EGLN1: variants seen among roughly 807,000 people sequenced by gnomAD.
EGLN1 encodes the protein egl-9 family hypoxia inducible factor 1.
EGLN1 carries 17 observed loss-of-function variants against 38.3 expected under a neutral mutation model. That is an observed-to-expected ratio of 0.44 (90% CI 0.30 to 0.67). EGLN1 has a LOEUF of 0.67. Ranked by LOEUF, EGLN1 falls within the 30% of genes least tolerant of loss-of-function variation. EGLN1 has a pLI of 0.08. For synonymous variants in EGLN1, 283 were observed against 257.5 expected (o/e 1.10, Z -0.95); for missense variants, 477 against 603.3 (o/e 0.79, Z 2.19).
intron 1 of EGLN1, among the ~76,000 whole-genome samples, chr1:231,418,304 T>A (rs1482587801): frequency 6.6e-6 from 1 of 152,230 alleles, no homozygotes; most frequent in Non-Finnish European, 1.5e-5. Context: ...AGAGTATGAT[T>A]ACTCACATAT....
chr1:231,410,588 A>T (rs1273077018), intron 1 of EGLN1, among the ~76,000 whole-genome samples: 2 of 152,194 alleles, frequency 1.3e-5, no homozygotes, highest in Non-Finnish European at 2.9e-5. Flanking sequence ...GCAATAAATG[A>T]CTACTACAAA....
chr1:231,412,400 A>C (rs1688976843), intron 1 of EGLN1, among the ~76,000 whole-genome samples: 1 of 152,234 alleles, frequency 6.6e-6, no homozygotes, highest in Non-Finnish European at 1.5e-5. Flanking sequence ...TCATTTTGAC[A>C]TTGAATCTAA....
chr1:231,408,372 G>A (rs975615518), intron 1 of EGLN1, among the ~76,000 whole-genome samples: 3 of 152,160 alleles, frequency 2.0e-5, no homozygotes, highest in Non-Finnish European at 4.4e-5. Context: ...AAGAGCAGTA[G>A]CAAATCAGGG....
chr1:231,384,257 G>C (rs555492117), intron 1 of EGLN1, among the ~76,000 whole-genome samples: 162 of 152,288 alleles, frequency 1.1e-3, no homozygotes, highest in African/African-American at 3.8e-3. Context: ...GTCAGGCACT[G>C]TTCTAGATCT....
At chr1:231,415,633 A>G (rs934420945) in intron 1 of EGLN1, among the ~76,000 whole-genome samples, 1 of 152,210 alleles carries the variant, frequency 6.6e-6, no homozygotes, top group African/African-American at 2.4e-5. Context: ...ACAGTTCTGC[A>G]TAGCGCTTTA....
At position 231,373,696 on chromosome 1, in the gene EGLN1, GTGTGTGTA is replaced by G. The variant is rs1440787154; in HGVS notation, c.1011+276_1011+283del. Among the ~76,000 whole-genome samples the G allele has an allele frequency of 3.4e-3, 472 of 138,942 alleles. 6 individuals are homozygous for G. Among genetic ancestry groups the G allele is most frequent in the African/African-American group, 0.012 (452 of 37,852 alleles). The allele number at this position is 138,942 out of a possible 152,430, so 91.2% of individuals were successfully genotyped here. A position where few individuals can be genotyped will look rare whatever the true frequency, so the allele number is the denominator to read the frequency against. On this transcript the variant is annotated intron_variant, in intron 2 of 4. Coordinates refer to ENST00000366641, the MANE Select transcript of EGLN1 (RefSeq NM_022051.3). ...TGTGTGCGTGTGTGTGTGTGTGTGT[GTGTGTGTA>G]TGTGTGTGTGTTTAGAACACTGAAC...
In EGLN1 at chr1:231,421,628, C is replaced by G. The variant is rs1024909187; in HGVS notation, c.261G>C (p.Arg87Ser). ...CCTTCCTGGGCTCCCGGGCCCCGGC[C>G]CTGGGCGGCGGCACTGCAGCCGGCG... is the stretch of plus-strand genomic sequence containing the variant. Reference protein sequence around the residue: ...PAPPAAVPPPRAGAREPRKAA... With the variant: ...PAPPAAVPPPSAGAREPRKAA... The change falls in exon 1 of 5, where the codon AGG becomes AGC. Residue 87 changes from arginine to serine, a missense_variant. By Grantham distance (110) the Arg-to-Ser change is moderately radical. This residue lies in a region of EGLN1 where 298 missense variants were observed against 288.9 expected (regional missense o/e 1.03). Transcript: ENST00000366641. The surrounding 1 kb of genome is among the most constrained non-coding windows in gnomAD (Gnocchi z 5.5). 25 of 1,421,578 alleles carry G rather than the reference C, an allele frequency of 1.8e-5. No homozygotes were observed. Among genetic ancestry groups the G allele is most frequent in the Admixed American group, 2.7e-5 (1 of 36,428 alleles). 88.1% of individuals were successfully genotyped at this position (1,421,578 alleles called of 1,614,324 possible).
intron 1 of EGLN1, among the ~76,000 whole-genome samples, chr1:231,381,767 T>C (rs1288758570): frequency 6.6e-6 from 1 of 152,176 alleles, no homozygotes; most frequent in Non-Finnish European, 1.5e-5. Context: ...AGAACAGAGA[T>C]CTACAATTTG....
chr1:231,407,122 T>C (rs912697446), intron 1 of EGLN1, among the ~76,000 whole-genome samples: 4 of 152,174 alleles, frequency 2.6e-5, no homozygotes, highest in Non-Finnish European at 5.9e-5. Context: ...ATTTTTGTTT[T>C]AAGGATAAAA....
Position 231,366,337 on chromosome 1 carries a change from T to C in EGLN1, c.*74A>G, listed in dbSNP as rs1687643132. 2.7e-6 allele frequency: 4 copies of C among 1,508,074 alleles called. No homozygotes were observed. Among genetic ancestry groups the C allele is most frequent in the Non-Finnish European group, 2.8e-6 (3 of 1,086,886 alleles). The allele number at this position is 1,508,074 out of a possible 1,614,324, so 93.4% of individuals were successfully genotyped here. ...TGGTTGTCTATTTTTCTTTATCCCA[T>C]TTATTCGTATTCACAAGTTAACAAA... On this transcript the variant is annotated 3_prime_UTR_variant, in exon 5 of 5. Coordinates refer to ENST00000366641, the MANE Select transcript of EGLN1 (RefSeq NM_022051.3).
intron 3 of EGLN1, among the ~76,000 whole-genome samples, chr1:231,368,906 C>G (rs1418682350): frequency 6.6e-6 from 1 of 152,128 alleles, no homozygotes; most frequent in Non-Finnish European, 1.5e-5. Context: ...CCTTTCTTAC[C>G]ATGTGGCTTC....
At chr1:231,386,021 T>C (rs1688195804) in intron 1 of EGLN1, among the ~76,000 whole-genome samples, 1 of 152,082 alleles carries the variant, frequency 6.6e-6, no homozygotes, top group African/African-American at 2.4e-5. Flanking sequence ...CTTACTATGT[T>C]GCCCAGCTGG....
chr1:231,404,100 T>C (rs889210226), intron 1 of EGLN1, among the ~76,000 whole-genome samples: 1 of 152,126 alleles, frequency 6.6e-6, no homozygotes, highest in Non-Finnish European at 1.5e-5. Context: ...GTTCACATCT[T>C]AATGGTTTCA....
intron 1 of EGLN1, among the ~76,000 whole-genome samples, chr1:231,420,635 T>C (rs1481243968): frequency 6.6e-6 from 1 of 152,084 alleles, no homozygotes; most frequent in Non-Finnish European, 1.5e-5. Context: ...TTGCTTTGGG[T>C]GGTACTCTAA....
intron 1 of EGLN1, among the ~76,000 whole-genome samples, chr1:231,379,550 G>C (rs1407220927): frequency 6.6e-6 from 1 of 152,212 alleles, no homozygotes; most frequent in Non-Finnish European, 1.5e-5. Flanking sequence ...GGTTGCAGGT[G>C]GCTGGGGCCT....
At chr1:231,368,390 G>A (rs1435139337) in intron 3 of EGLN1, among the ~76,000 whole-genome samples, 1 of 151,650 alleles carries the variant, frequency 6.6e-6, no homozygotes, top group Non-Finnish European at 1.5e-5. Flanking sequence ...TTATAACCTT[G>A]ACAGTTAAAT....
intron 1 of EGLN1, among the ~76,000 whole-genome samples, chr1:231,417,174 T>C (rs1173788230): frequency 6.6e-6 from 1 of 152,140 alleles, no homozygotes; most frequent in Non-Finnish European, 1.5e-5. Flanking sequence ...CAGCTGCATT[T>C]TCCTCATCCT....
chr1:231,418,911 T>C (rs565922979), intron 1 of EGLN1, among the ~76,000 whole-genome samples: 87 of 152,138 alleles, frequency 5.7e-4, no homozygotes, highest in African/African-American at 1.9e-3. Flanking sequence ...GATCCTAATA[T>C]GATGCCTAAC....
chr1:231,404,825 G>A (rs892443889), intron 1 of EGLN1, among the ~76,000 whole-genome samples: 3 of 152,110 alleles, frequency 2.0e-5, no homozygotes, highest in African/African-American at 7.2e-5. Context: ...CATGAGGAGA[G>A]AAAGATTTTT....
Sources: gnomAD v4.1 joint callset for allele counts (sites outside exome capture counted in the v4.1 genomes callset) on GRCh38, gnomAD v4.1.1 for gene constraint, gnomAD v4.1.1 regional missense constraint, Gnocchi (gnomAD v3.1) non-coding constraint, MANE v1.5 for transcripts, NCBI Gene and HGNC (gene_info 2026-07-23, HGNC 2026-07-21) for gene names.